Variants in CFAP53 observed in about 807,000 individuals in gnomAD.
CFAP53 encodes cilia and flagella associated protein 53.
A neutral mutation model predicts 59.7 loss-of-function variants in CFAP53; 62 were observed. That is an observed-to-expected ratio of 1.04 (90% confidence interval 0.85 to 1.28). CFAP53 has a LOEUF of 1.28. CFAP53 is among the 50% of genes most tolerant of loss of function. The probability of loss-of-function intolerance (pLI) is 0.00; values close to 1 mark genes in which losing one functional copy is unlikely to be tolerated. For synonymous variants in CFAP53, 218 were observed against 205.7 expected (o/e 1.06, Z -0.51); for missense variants, 629 against 615.6 (o/e 1.02, Z -0.23).
rs187209398 is a variant in CFAP53 at position 50,251,512 on chromosome 18, T to C, written c.746A>G (p.Gln249Arg). ...GCGTGCCTCCTCTTCCTTCAGCAGC[T>C]GTGTCGCCTGCCTTTGTGCCTTGAT... ...TSIKAQRQAT[Q>R]LLKEEEARLV... The change falls in exon 4 of 8, where the codon CAG (glutamine) becomes CGG (arginine). Residue 249 changes from glutamine to arginine, a missense_variant. Physicochemically the swap from Gln to Arg is conservative, Grantham distance 43. Transcript: ENST00000398545. 6.2e-7 allele frequency: 1 copy of C among 1,613,930 alleles called. No individual in the cohort carries two copies. Among genetic ancestry groups the C allele is most frequent in the African/African-American group, 1.3e-5 (1 of 75,062 alleles).
intron 7 of CFAP53, among the ~76,000 whole-genome samples, chr18:50,236,899 G>A (rs988871032): frequency 6.6e-6 from 1 of 152,108 alleles, no homozygotes; most frequent in Non-Finnish European, 1.5e-5. Context: ...ATAGGTAACT[G>A]TAATACCTCT....
chr18:50,228,021 G>A (rs71363026), intron 7 of CFAP53, among the ~76,000 whole-genome samples: 192 of 122,240 alleles, frequency 1.6e-3, no homozygotes, highest in Admixed American at 5.1e-3. Context: ...GTGCAGTTGC[G>A]TGATCTCAGC....
At chr18:50,231,456 T>C (rs1299813993) in intron 7 of CFAP53, among the ~76,000 whole-genome samples, 1 of 152,216 alleles carries the variant, frequency 6.6e-6, no homozygotes, top group African/African-American at 2.4e-5. Flanking sequence ...GGAACCTCAG[T>C]GGACAGTATC....
chr18:50,260,608 G>T (rs2033882292), intron 3 of CFAP53, among the ~76,000 whole-genome samples: 1 of 152,122 alleles, frequency 6.6e-6, no homozygotes, highest in South Asian at 2.1e-4. Flanking sequence ...GGAGGTTGTA[G>T]TCATGATCAT....
chr18:50,227,612 A>G lies in CFAP53; in HGVS notation c.1317-3T>C. On this transcript the variant is annotated splice_polypyrimidine_tract_variant and splice_region_variant and intron_variant, in intron 7 of 7. Coordinates refer to ENST00000398545, the MANE Select transcript of CFAP53 (RefSeq NM_145020.5). The stretch of plus-strand genomic sequence containing the variant: ...ACTCCTGGGCTAAACGTTGGCGTCT[A>G]AAGTATTAGAAATGTCAAAGCATAA... 5 of 1,600,970 alleles carry G rather than the reference A, an allele frequency of 3.1e-6. No individual in the cohort carries two copies. Among genetic ancestry groups the G allele is most frequent in the Non-Finnish European group, 3.4e-6 (4 of 1,168,418 alleles).
At chr18:50,245,945 C>CAATG (rs1235705820) in intron 5 of CFAP53, among the ~76,000 whole-genome samples, 1 of 152,096 alleles carries the variant, frequency 6.6e-6, no homozygotes, top group Non-Finnish European at 1.5e-5. Flanking sequence ...GGCTGGAGTG[C>CAATG]AATGACACGA....
Position 50,251,567 on chromosome 18 carries a change from G to A in CFAP53, c.691C>T (p.Arg231Cys), listed in dbSNP as rs12607385. 0.03 allele frequency: 47,884 copies of A among 1,614,156 alleles called. 7,342 individuals are homozygous for A. The East Asian group carries it at 0.47, about 16-fold the overall frequency. ...RRQKELMENTRLGLNAQITSI... is the reference protein window; with the variant it reads ...RRQKELMENTCLGLNAQITSI... ...GTGATCTGGGCATTCAGCCCCAGGCGTGTGTTCTCCATCAGCTCTTTCTGT... is the reference window on the plus strand; with the variant it reads ...GTGATCTGGGCATTCAGCCCCAGGCATGTGTTCTCCATCAGCTCTTTCTGT... Residue 231 changes from arginine (R) to cysteine (C), a missense_variant, in exon 4 of 8, where the codon CGC (arginine) becomes TGC (cysteine). By Grantham distance (180) the Arg-to-Cys change is radical. Transcript: ENST00000398545.
chr18:50,258,671 A>G (rs2033865970), intron 3 of CFAP53, among the ~76,000 whole-genome samples: 1 of 152,248 alleles, frequency 6.6e-6, no homozygotes, highest in Non-Finnish European at 1.5e-5. Context: ...GAGACAACCC[A>G]CAGAATGGGA....
chr18:50,253,863 T>G (rs1248480522), intron 3 of CFAP53, among the ~76,000 whole-genome samples: 1 of 152,190 alleles, frequency 6.6e-6, no homozygotes, highest in Non-Finnish European at 1.5e-5. Flanking sequence ...ACAGGCATTC[T>G]GACCAAACAT....
At chr18:50,239,386 G>T (rs1051257720) in intron 6 of CFAP53, among the ~76,000 whole-genome samples, 12 of 151,638 alleles carry the variant, frequency 7.9e-5, no homozygotes, top group Non-Finnish European at 1.3e-4. Flanking sequence ...TAAAGCTCTT[G>T]TAAGTTAAAA....
chr18:50,256,577 G>T (rs2033848510), intron 3 of CFAP53: 1 of 152,014 alleles, frequency 6.6e-6, no homozygotes, highest in Non-Finnish European at 1.5e-5. Context: ...CTTTTGAGAG[G>T]GAATTTACTT....
intron 3 of CFAP53, among the ~76,000 whole-genome samples, chr18:50,253,073 G>A (rs2144425375): frequency 6.6e-6 from 1 of 151,604 alleles, no homozygotes; most frequent in Non-Finnish European, 1.5e-5. Context: ...CTGGAGTGCA[G>A]TGGCACGATC....
intron 5 of CFAP53, among the ~76,000 whole-genome samples, chr18:50,243,671 G>A (rs911477651): frequency 2.0e-5 from 3 of 152,132 alleles, no homozygotes; most frequent in Non-Finnish European, 4.4e-5. Context: ...TTGACATCTG[G>A]CTGGGCTCAG....
At chr18:50,257,100 C>T (rs749344039) in intron 3 of CFAP53, among the ~76,000 whole-genome samples, 3 of 151,966 alleles carry the variant, frequency 2.0e-5, no homozygotes, top group Non-Finnish European at 2.9e-5. Context: ...CTTCTGAATA[C>T]AAAAACTTTA....
chr18:50,245,375 C>T (rs1275354077), intron 5 of CFAP53, among the ~76,000 whole-genome samples: 2 of 110,378 alleles, frequency 1.8e-5, no homozygotes, highest in Admixed American at 1.2e-4. Context: ...GGCGACAGAG[C>T]GAGACTCCGT....
rs543384200 is a variant in CFAP53, at chr18:50,231,752, G to A, written c.1317-4143C>T. Among the ~76,000 whole-genome samples, 4 of 152,290 alleles carry A rather than the reference G, an allele frequency of 2.6e-5. No individual in the cohort carries two copies. In the South Asian group the frequency reaches 6.2e-4, roughly 24 times the overall value. Reference sequence around the variant, plus strand: ...CTGGTCAGAAGTCCCTAATCCCTACGTGTGATGCGACTGGCAGCAGAAGCT... The same window carrying A: ...CTGGTCAGAAGTCCCTAATCCCTACATGTGATGCGACTGGCAGCAGAAGCT... On this transcript the variant is annotated intron_variant, in intron 7 of 7. Coordinates refer to ENST00000398545, the MANE Select transcript of CFAP53 (RefSeq NM_145020.5).
intron 3 of CFAP53, among the ~76,000 whole-genome samples, chr18:50,253,406 T>C (rs984356265): frequency 6.6e-6 from 1 of 152,212 alleles, no homozygotes; most frequent in African/African-American, 2.4e-5. Flanking sequence ...AGGAAAACTT[T>C]ATGTTTGTGA....
chr18:50,241,083 G>C (rs1014496319), intron 6 of CFAP53, among the ~76,000 whole-genome samples: 1 of 152,218 alleles, frequency 6.6e-6, no homozygotes, highest in Non-Finnish European at 1.5e-5. Context: ...CTGACACTAT[G>C]TATCACTTAG....
At chr18:50,261,300 T>G (rs2033891968) in intron 2 of CFAP53, 63 bp from the exon 3 acceptor site, 4 of 1,413,384 alleles carry the variant, frequency 2.8e-6, no homozygotes, top group Non-Finnish European at 3.7e-6. Flanking sequence ...TGCATCGTTA[T>G]ATTCAATTTC....
Sources: gnomAD v4.1 joint callset for allele counts (sites outside exome capture counted in the v4.1 genomes callset) on GRCh38, gnomAD v4.1.1 for gene constraint, MANE v1.5 for transcripts, NCBI Gene and HGNC (gene_info 2026-07-23, HGNC 2026-07-21) for gene names.